EEF1AKMT1: variants seen among roughly 807,000 people sequenced by gnomAD.
EEF1AKMT1 encodes EEF1A lysine methyltransferase 1.
A neutral mutation model predicts 21.0 loss-of-function variants in EEF1AKMT1; 18 were observed. The observed-to-expected ratio is 0.86, with a 90% CI of 0.59 to 1.27. EEF1AKMT1 has a LOEUF of 1.27. EEF1AKMT1 is among the 50% of genes most tolerant of loss of function. EEF1AKMT1 has a pLI of 0.00. For missense variants in EEF1AKMT1, 246 were observed against 258.6 expected, an observed-to-expected ratio of 0.95 and a Z score of 0.33; for synonymous variants, 109 against 94.8, an observed-to-expected ratio of 1.15 and a Z score of -0.87.
Position 20,728,774 on chromosome 13 carries a change from C to A in EEF1AKMT1, c.*306G>T. On this transcript the variant is annotated 3_prime_UTR_variant, in exon 5 of 5. Coordinates refer to ENST00000382758, the MANE Select transcript of EEF1AKMT1 (RefSeq NM_001318939.2). ...GCCAAGGTCCTGTCTCATTCAGGAG[C>A]CCTTGGGCAAGCCACACAACTGTTC... 2 of 366,464 alleles carry A rather than the reference C, an allele frequency of 5.5e-6. No individual in the cohort carries two copies. Among genetic ancestry groups the A allele is most frequent in the Non-Finnish European group, 1.0e-5 (2 of 194,968 alleles). 22.7% of individuals were successfully genotyped at this position (366,464 alleles called of 1,614,324 possible). A position where few individuals can be genotyped will look rare whatever the true frequency, so the allele number is the denominator to read the frequency against.
rs1367467001 is a variant in EEF1AKMT1 at position 20,766,324 on chromosome 13, GAAAAGA to G, written c.-20+7591_-20+7596del. 6.2e-4 allele frequency among the ~76,000 whole-genome samples: 81 copies of G among 131,174 alleles called. 1 individual carries two copies. The highest frequency in any genetic ancestry group is 2.2e-3 in the African/African-American group (78 of 34,900). 86.1% of individuals were successfully genotyped at this position (131,174 alleles called of 152,430 possible). ...AAAAAAAAAAAAAAAAAGAAAGAAA[GAAAAGA>G]AAAAGAAAAAAAGAAACATGTAATA... On this transcript the variant is annotated intron_variant, in intron 1 of 4. Transcript: ENST00000382758.
At chr13:20,738,429 G>T (rs1166765896) in intron 2 of EEF1AKMT1, among the ~76,000 whole-genome samples, 2 of 152,164 alleles carry the variant, frequency 1.3e-5, no homozygotes, top group Admixed American at 6.5e-5. Flanking sequence ...GGAGTTTAAT[G>T]GAAGAAGTAG....
intron 1 of EEF1AKMT1, among the ~76,000 whole-genome samples, chr13:20,773,670 C>T (rs1047360125): frequency 1.3e-5 from 2 of 152,240 alleles, no homozygotes; most frequent in African/African-American, 4.8e-5. Context: ...GTGCGCGGCA[C>T]AGGACGCGGC....
chr13:20,729,248 G>T, intron 4 of EEF1AKMT1, 32 bp from the exon 5 acceptor site: 1 of 1,613,490 alleles, frequency 6.2e-7, no homozygotes. Flanking sequence ...AATCCAGAGA[G>T]TGACAACCCA....
chr13:20,757,677 A>G, intron 1 of EEF1AKMT1, 60 bp from the exon 2 acceptor site: 1 of 1,273,394 alleles, frequency 7.9e-7, no homozygotes, highest in Non-Finnish European at 1.1e-6. Flanking sequence ...AGCCAGTAAT[A>G]ATTTTTAAAA....
At position 20,757,613 on chromosome 13, in the gene EEF1AKMT1, A is replaced by C. The variant is rs1278051223; in HGVS notation, c.-15T>G. On this transcript the variant is annotated 5_prime_UTR_variant, in exon 2 of 5. Transcript: ENST00000382758. ...AAATCACTCATTTCACAAGTTGTTT[A>C]TAACCTGCAGATCAAGAAATAAATG... 1 of 1,610,552 alleles carries C rather than the reference A, an allele frequency of 6.2e-7. No individual in the cohort carries two copies. Among genetic ancestry groups the C allele is most frequent in the East Asian group, 2.2e-5 (1 of 44,806 alleles).
intron 2 of EEF1AKMT1, among the ~76,000 whole-genome samples, chr13:20,755,109 G>T (rs1196797781): frequency 1.5e-5 from 2 of 136,136 alleles, no homozygotes; most frequent in Non-Finnish European, 3.1e-5. Context: ...ATGGCTATAA[G>T]CAGGGTAGCT....
intron 2 of EEF1AKMT1, among the ~76,000 whole-genome samples, chr13:20,756,921 C>A (rs1280257504): frequency 6.6e-6 from 1 of 152,190 alleles, no homozygotes; most frequent in Non-Finnish European, 1.5e-5. Context: ...CATGGGGTAA[C>A]CATCCCCTAA....
At chr13:20,768,173 T>C (rs1368517546) in intron 1 of EEF1AKMT1, among the ~76,000 whole-genome samples, 1 of 152,258 alleles carries the variant, frequency 6.6e-6, no homozygotes, top group Admixed American at 6.5e-5. Context: ...GATAGTTTTT[T>C]TATGGAATGC....
Position 20,732,102 on chromosome 13 carries a change from G to T in EEF1AKMT1, c.247C>A (p.Pro83Thr), listed in dbSNP as rs1377930920. 6.2e-7 allele frequency: 1 copy of T among 1,611,614 alleles called. No individual in the cohort carries two copies. The highest frequency in any genetic ancestry group is 1.1e-5 in the South Asian group (1 of 90,634). Residue 83 changes from proline to threonine, a missense_variant, in exon 4 of 5, where the codon CCT becomes ACT. Physicochemically the swap from Pro to Thr is conservative, Grantham distance 38. Transcript: ENST00000382758. ...EGGRIACVSA[P>T]SVYQKLRELC... ...TCTCTGAGTTTCTGGTAAACACTAGGGGCACTCACACATGCGATTCTAGGA... is the reference window on the plus strand; with the variant it reads ...TCTCTGAGTTTCTGGTAAACACTAGTGGCACTCACACATGCGATTCTAGGA...
At chr13:20,766,162 T>C (rs1283346014) in intron 1 of EEF1AKMT1, among the ~76,000 whole-genome samples, 2 of 151,646 alleles carry the variant, frequency 1.3e-5, no homozygotes, top group African/African-American at 4.8e-5. Context: ...TAGCTGGGCA[T>C]GTTGGCACTG....
At chr13:20,730,696 CACCAATCAGCACTCTGTAAAATGG>C (rs1407987301) in intron 4 of EEF1AKMT1, among the ~76,000 whole-genome samples, 3 of 152,190 alleles carry the variant, frequency 2.0e-5, no homozygotes, top group African/African-American at 4.8e-5. Flanking sequence ...ATTGTAAACA[CACCAATCAGCACTCTGTAAAATGG>C]ACCAATCAGC....
At chr13:20,743,443 A>T (rs1270551187) in intron 2 of EEF1AKMT1, among the ~76,000 whole-genome samples, 3 of 147,724 alleles carry the variant, frequency 2.0e-5, no homozygotes, top group Non-Finnish European at 4.5e-5. Context: ...TAAAGATTGA[A>T]TTTTTTTTTC....
chr13:20,747,304 T>A, intron 2 of EEF1AKMT1: 1 of 256,326 alleles, frequency 3.9e-6, no homozygotes. Context: ...TGCAGTAACT[T>A]TTGGCAGAAA....
At chr13:20,739,320 T>A (rs1028628356) in intron 2 of EEF1AKMT1, among the ~76,000 whole-genome samples, 1 of 152,156 alleles carries the variant, frequency 6.6e-6, no homozygotes, top group African/African-American at 2.4e-5. Flanking sequence ...GAACAAACCT[T>A]CCACAGCATG....
In EEF1AKMT1 at chr13:20,764,917, A is replaced by ACACACACACACC. The variant is rs71087097; in HGVS notation, c.-19-7301_-19-7300insGGTGTGTGTGTG. Among the ~76,000 whole-genome samples, 28 of 146,394 alleles carry ACACACACACACC rather than the reference A, an allele frequency of 1.9e-4. No individual in the cohort carries two copies. In the East Asian group the frequency reaches 5.6e-3, roughly 29 times the overall value. On this transcript the variant is annotated intron_variant, in intron 1 of 4. Coordinates refer to ENST00000382758, the MANE Select transcript of EEF1AKMT1 (RefSeq NM_001318939.2). ...CACACACACACACACACACACACAC[A>ACACACACACACC]CCCTAATTTTGAAGTGAGTTTCTTG... is the stretch of plus-strand genomic sequence containing the variant.
At chr13:20,749,134 C>T in intron 2 of EEF1AKMT1, among the ~76,000 whole-genome samples, 1 of 152,242 alleles carries the variant, frequency 6.6e-6, no homozygotes, top group South Asian at 2.1e-4. Context: ...AGTAGAATTC[C>T]TTTTTGTTTT....
intron 1 of EEF1AKMT1, among the ~76,000 whole-genome samples, chr13:20,764,916 C>CACA (rs1355833558): frequency 1.3e-5 from 2 of 148,452 alleles, no homozygotes; most frequent in African/African-American, 5.0e-5. Flanking sequence ...CACACACACA[C>CACA]ACCCTAATTT....
At chr13:20,738,210 G>A (rs2058837544) in intron 2 of EEF1AKMT1, among the ~76,000 whole-genome samples, 1 of 152,232 alleles carries the variant, frequency 6.6e-6, no homozygotes, top group South Asian at 2.1e-4. Context: ...GGAAGAATGA[G>A]TTCACTAACA....
Sources: gnomAD v4.1 joint callset for allele counts (sites outside exome capture counted in the v4.1 genomes callset) on GRCh38, gnomAD v4.1.1 for gene constraint, MANE v1.5 for transcripts, NCBI Gene and HGNC (gene_info 2026-07-23, HGNC 2026-07-21) for gene names.